FBXL5: variants seen among roughly 807,000 people sequenced by gnomAD.
FBXL5 encodes F-box/LRR-repeat protein 5.
A neutral mutation model predicts 78.3 loss-of-function variants in FBXL5; 26 were observed. That is an observed-to-expected ratio of 0.33 (90% CI 0.24 to 0.46). The LOEUF is 0.46. Ranked by LOEUF, FBXL5 falls within the 20% of genes least tolerant of loss-of-function variation. The pLI is 1.00. For synonymous variants in FBXL5, 295 were observed against 282.5 expected, an observed-to-expected ratio of 1.04 and a Z score of -0.45; for missense variants, 710 against 829.2, an observed-to-expected ratio of 0.86 and a Z score of 1.77.
At chr4:15,623,909 GTC>G (rs1712742833) in intron 9 of FBXL5, among the ~76,000 whole-genome samples, 1 of 151,316 alleles carries the variant, frequency 6.6e-6, no homozygotes, top group South Asian at 2.1e-4. Flanking sequence ...TGCAAGCTCC[GTC>G]TCCCGGGTTC....
At chr4:15,637,058 G>A (rs562865173) in intron 4 of FBXL5, among the ~76,000 whole-genome samples, 2 of 152,176 alleles carry the variant, frequency 1.3e-5, no homozygotes, top group Non-Finnish European at 2.9e-5. Flanking sequence ...CAGATTATGA[G>A]ATCTCCAAGG....
chr4:15,641,624 T>C (rs754453630), intron 2 of FBXL5: 4 of 455,586 alleles, frequency 8.8e-6, no homozygotes, highest in East Asian at 6.9e-5. Flanking sequence ...TCAACAGTAG[T>C]AGGCTGTAAG....
At chr4:15,622,061 G>C (rs111716433) in intron 9 of FBXL5, among the ~76,000 whole-genome samples, 13,885 of 152,112 alleles carry the variant, frequency 0.091, 778 homozygotes, top group Non-Finnish European at 0.13. Flanking sequence ...TTGAACTCCT[G>C]GGCTCAAGTG....
chr4:15,631,762 GTTGTT>G (rs1713693183), intron 5 of FBXL5, among the ~76,000 whole-genome samples: 1 of 148,908 alleles, frequency 6.7e-6, no homozygotes, highest in African/African-American at 2.4e-5. Flanking sequence ...TTTTGATGGG[GTTGTT>G]TTTTTTTCTT....
At chr4:15,638,124 T>A (rs1172448149) in intron 4 of FBXL5, among the ~76,000 whole-genome samples, 1 of 152,036 alleles carries the variant, frequency 6.6e-6, no homozygotes, top group East Asian at 1.9e-4. Flanking sequence ...GCCACTATGG[T>A]CAATAAAGCT....
chr4:15,623,989 AT>A (rs1032409078), intron 9 of FBXL5, among the ~76,000 whole-genome samples: 3 of 149,334 alleles, frequency 2.0e-5, no homozygotes, highest in South Asian at 2.1e-4. Context: ...TGCCCGGCTA[AT>A]TTTTTTTTTA....
intron 5 of FBXL5, among the ~76,000 whole-genome samples, chr4:15,632,314 T>C (rs977929164): frequency 4.6e-5 from 7 of 152,198 alleles, no homozygotes; most frequent in Non-Finnish European, 1.5e-5. Flanking sequence ...TTGGTTACTG[T>C]AGCCTTGTAG....
intron 9 of FBXL5, among the ~76,000 whole-genome samples, chr4:15,624,869 A>G (rs1405070404): frequency 2.0e-5 from 3 of 152,218 alleles, no homozygotes; most frequent in Non-Finnish European, 4.4e-5. Flanking sequence ...CAAAACCCTC[A>G]GTATAAAACT....
In FBXL5 at chr4:15,605,115, C is replaced by A. The variant is rs1414021419; in HGVS notation, c.*608G>T. 1 of 152,594 alleles carries A rather than the reference C, an allele frequency of 6.6e-6. No individual in the cohort carries two copies. The highest frequency in any genetic ancestry group is 6.6e-5 in the Admixed American group (1 of 15,264). The allele number at this position is 152,594 out of a possible 1,614,324, so 9.5% of individuals were successfully genotyped here. A position where few individuals can be genotyped will look rare whatever the true frequency, so the allele number is the denominator to read the frequency against. On this transcript the variant is annotated 3_prime_UTR_variant, in exon 11 of 11. Transcript: ENST00000341285. ...GATGACATAGGGACAGTGGTGAGAA[C>A]AAAGTATCCCTAAAGGAAACAAATA... is the stretch of plus-strand genomic sequence containing the variant.
upstream of FBXL5, among the ~76,000 whole-genome samples, chr4:15,663,982 G>A (rs1019401465): frequency 6.6e-6 from 1 of 152,140 alleles, no homozygotes; most frequent in African/African-American, 2.4e-5. Context: ...ATGAATTGTA[G>A]GCACTCTTAT....
chr4:15,681,205 CTAAA>C (rs1317218270), intron 1 of FBXL5: 1 of 152,192 alleles, frequency 6.6e-6, no homozygotes. Context: ...ATGCGATTCT[CTAAA>C]TAAGTAAACA....
chr4:15,665,504 C>T (rs1416065476), intron 1 of FBXL5, among the ~76,000 whole-genome samples: 2 of 152,064 alleles, frequency 1.3e-5, no homozygotes, highest in Non-Finnish European at 2.9e-5. Context: ...TACAAATTTG[C>T]GAGATGTATC....
intron 2 of FBXL5, 117 bp from the exon 3 acceptor site, chr4:15,641,000 G>A: frequency 1.9e-6 from 1 of 521,090 alleles, no homozygotes; most frequent in East Asian, 3.4e-5. Flanking sequence ...TAGACAAATT[G>A]CAAAGTGGTC....
chr4:15,606,356 A>C (rs1721886355), intron 10 of FBXL5, among the ~76,000 whole-genome samples: 1 of 152,148 alleles, frequency 6.6e-6, no homozygotes, highest in Non-Finnish European at 1.5e-5. Flanking sequence ...TTATTTTCCA[A>C]AATTAAATAT....
At chr4:15,612,245 C>A in intron 10 of FBXL5, 21 bp downstream of exon 10, 1 of 1,476,552 alleles carries the variant, frequency 6.8e-7, no homozygotes, top group Non-Finnish European at 8.9e-7. Flanking sequence ...TCAAAATTAT[C>A]GCACTGTTAA....
At chr4:15,613,055 C>A (rs1722376536) in intron 9 of FBXL5, among the ~76,000 whole-genome samples, 1 of 152,012 alleles carries the variant, frequency 6.6e-6, no homozygotes, top group South Asian at 2.1e-4. Context: ...ATGCATAAAC[C>A]TTGAACACAT....
At chr4:15,639,227 C>A (rs2148638986) in intron 3 of FBXL5, among the ~76,000 whole-genome samples, 1 of 152,276 alleles carries the variant, frequency 6.6e-6, no homozygotes, top group Admixed American at 6.5e-5. Flanking sequence ...GTAAATCAAT[C>A]CAAAACAATT....
intron 5 of FBXL5, among the ~76,000 whole-genome samples, chr4:15,632,307 G>A (rs1713753645): frequency 6.6e-6 from 1 of 152,092 alleles, no homozygotes; most frequent in African/African-American, 2.4e-5. Flanking sequence ...TGCTGTTTTG[G>A]TTACTGTAGC....
intron 1 of FBXL5, among the ~76,000 whole-genome samples, chr4:15,672,830 G>A (rs1441372226): frequency 6.6e-6 from 1 of 151,904 alleles, no homozygotes; most frequent in Non-Finnish European, 1.5e-5. Context: ...TGACTCTCTT[G>A]TAATAACATT....
Sources: allele counts gnomAD v4.1 joint callset (sites outside exome capture counted in the v4.1 genomes callset), GRCh38; gene constraint gnomAD v4.1.1; transcripts MANE v1.5; gene names NCBI Gene and HGNC (gene_info 2026-07-23, HGNC 2026-07-21).